Variants in PPP1R1C observed in about 807,000 individuals in gnomAD.
PPP1R1C encodes the protein protein phosphatase 1 regulatory subunit 1C.
Under a neutral mutation model 17.4 loss-of-function variants are expected in PPP1R1C, and 15 were observed. The ratio of observed to expected loss-of-function variants is 0.86; its 90% CI spans 0.58 to 1.33. PPP1R1C has a LOEUF of 1.33. PPP1R1C is among the 40% of genes most tolerant of loss of function. The pLI, the probability that PPP1R1C is intolerant of heterozygous loss-of-function variation, is 0.00. For missense variants in PPP1R1C, 143 were observed against 130.0 expected, an observed-to-expected ratio of 1.10 and a Z score of -0.48; for synonymous variants, 35 against 43.1, an observed-to-expected ratio of 0.81 and a Z score of 0.73.
chr2:181,961,059 C>G lies in PPP1R1C; in HGVS notation n.111+6425C>G, dbSNP rs192300640. On this transcript the variant is annotated intron_variant and non_coding_transcript_variant, in intron 1 of 5. Transcript: ENST00000464264. The surrounding 1 kb of genome is among the most constrained non-coding windows in gnomAD (Gnocchi z 5.8). The stretch of plus-strand genomic sequence containing the variant: ...GCTGGAGAAATCAGAAGAGGGACAA[C>G]TGCAAAATAAAGGCTGTAACAGGAG... Among the ~76,000 whole-genome samples the G allele has an allele frequency of 6.6e-6, 1 of 152,142 alleles. No individual in the cohort carries two copies. Among genetic ancestry groups the G allele is most frequent in the African/African-American group, 2.4e-5 (1 of 41,430 alleles).
chr2:182,005,025 T>A (rs923676042), intron 2 of PPP1R1C, among the ~76,000 whole-genome samples: 5 of 152,206 alleles, frequency 3.3e-5, no homozygotes, highest in Admixed American at 6.5e-5. Context: ...GAAATATTCA[T>A]AACATTCCTG....
chr2:181,991,354 A>T (rs1356161666), intron 2 of PPP1R1C, among the ~76,000 whole-genome samples: 3 of 152,132 alleles, frequency 2.0e-5, no homozygotes, highest in Non-Finnish European at 4.4e-5. Context: ...CCTTTCTGAC[A>T]AATAACCTAG....
intron 4 of PPP1R1C, among the ~76,000 whole-genome samples, chr2:182,076,180 ACTTTTTTTTTTCTTTT>A (rs1688292112): frequency 1.1e-4 from 8 of 76,104 alleles, no homozygotes; most frequent in African/African-American, 4.7e-4. Flanking sequence ...AGGATTTTGA[ACTTTTTTTTTTCTTTT>A]CTTTTTTTTT....
chr2:182,049,839 A>G (rs188680628), intron 2 of PPP1R1C, among the ~76,000 whole-genome samples: 1 of 152,254 alleles, frequency 6.6e-6, no homozygotes, highest in Admixed American at 6.5e-5. Context: ...TTATTTATTC[A>G]CTTACCCAGT....
intron 2 of PPP1R1C, among the ~76,000 whole-genome samples, chr2:182,036,261 A>G (rs895163192): frequency 7.2e-5 from 11 of 152,208 alleles, no homozygotes; most frequent in Non-Finnish European, 1.5e-4. Context: ...TGGTTTCTCC[A>G]TTAATTATGT....
At chr2:182,118,384 G>A (rs938302749), downstream of PPP1R1C, among the ~76,000 whole-genome samples, 1 of 151,926 alleles carries the variant, frequency 6.6e-6, no homozygotes, top group Admixed American at 6.6e-5. Flanking sequence ...TATTTGTGAA[G>A]GCAAAGTATC....
At chr2:182,047,833 T>C (rs765589877) in intron 2 of PPP1R1C, among the ~76,000 whole-genome samples, 1 of 152,214 alleles carries the variant, frequency 6.6e-6, no homozygotes, top group Admixed American at 6.5e-5. Context: ...GCAGAAATTA[T>C]GAAATATAAG....
intron 2 of PPP1R1C, among the ~76,000 whole-genome samples, chr2:182,029,388 G>A (rs906208433): frequency 6.6e-6 from 1 of 152,014 alleles, no homozygotes; most frequent in South Asian, 2.1e-4. Context: ...TCCTTCAGGA[G>A]CTCTTTTAGG....
At chr2:182,047,929 A>G (rs1574409018) in intron 2 of PPP1R1C, among the ~76,000 whole-genome samples, 1 of 152,074 alleles carries the variant, frequency 6.6e-6, no homozygotes, top group East Asian at 1.9e-4. Flanking sequence ...AACATAATCC[A>G]TCTTGTGTTT....
rs562535732 is a variant in PPP1R1C, at chr2:182,001,784, T to C, written c.142+13885T>C. On this transcript the variant is annotated intron_variant, in intron 2 of 4. Transcript: ENST00000682840. ...TCACTCCAAAATCCATTTGATGTGTTTTCTGGTAAGATTTCTATGTAAGCA... is the reference window on the plus strand; with the variant it reads ...TCACTCCAAAATCCATTTGATGTGTCTTCTGGTAAGATTTCTATGTAAGCA... Among the ~76,000 whole-genome samples the C allele has an allele frequency of 5.9e-5, 9 of 152,260 alleles. No individual in the cohort carries two copies. The East Asian group carries it at 1.7e-3, about 29-fold the overall frequency.
Position 181,961,165 on chromosome 2 carries a change from G to T in PPP1R1C, n.111+6531G>T. On this transcript the variant is annotated intron_variant and non_coding_transcript_variant, in intron 1 of 5. Coordinates refer to the PPP1R1C transcript ENST00000464264. This position sits in a 1 kb window ranked among gnomAD's most constrained non-coding sequence, Gnocchi z 5.8. ...TCCTTTCACCTCTGAACTTTTTATTGACCTCCTGCTCCCCAAAGGGTACCC... is the reference window on the plus strand; with the variant it reads ...TCCTTTCACCTCTGAACTTTTTATTTACCTCCTGCTCCCCAAAGGGTACCC... 8 of 726,536 alleles carry T rather than the reference G, an allele frequency of 1.1e-5. No homozygotes were observed. Among genetic ancestry groups the T allele is most frequent in the East Asian group, 2.6e-5 (1 of 37,970 alleles). The allele number at this position is 726,536 out of a possible 1,614,324, so 45.0% of individuals were successfully genotyped here. A position where few individuals can be genotyped will look rare whatever the true frequency, so the allele number is the denominator to read the frequency against.
intron 3 of PPP1R1C, among the ~76,000 whole-genome samples, chr2:182,063,101 C>CA (rs1687892966): frequency 1.3e-5 from 2 of 152,064 alleles, no homozygotes; most frequent in South Asian, 4.1e-4. Context: ...TTTTGAAATG[C>CA]AAAATCTCTT....
chr2:182,115,537 G>A (rs1463201310), intron 4 of PPP1R1C, among the ~76,000 whole-genome samples: 2 of 152,088 alleles, frequency 1.3e-5, no homozygotes, highest in African/African-American at 4.8e-5. Context: ...TAAGACTCAA[G>A]CAGAGTGACT....
At position 182,110,644 on chromosome 2, in the gene PPP1R1C, C is replaced by G. The variant is rs572659686; in HGVS notation, c.242-6563C>G. Among the ~76,000 whole-genome samples, 23 of 152,296 alleles carry G rather than the reference C, an allele frequency of 1.5e-4. No homozygotes were observed. In the East Asian group the frequency reaches 4.2e-3, roughly 28 times the overall value. On this transcript the variant is annotated intron_variant, in intron 4 of 4. Transcript: ENST00000682840. Reference sequence around the variant, plus strand: ...CTGGACATGGTAAAAGAAACACACACAACATTTGCTTCTGTGGCTGTAAAT... The same window carrying G: ...CTGGACATGGTAAAAGAAACACACAGAACATTTGCTTCTGTGGCTGTAAAT...
chr2:182,065,920 T>C (rs1687970448), intron 4 of PPP1R1C, among the ~76,000 whole-genome samples: 1 of 152,140 alleles, frequency 6.6e-6, no homozygotes, highest in African/African-American at 2.4e-5. Context: ...GTTATTTAGT[T>C]ATTTTGCCTT....
chr2:182,034,578 A>G (rs1331078580), intron 2 of PPP1R1C, among the ~76,000 whole-genome samples: 2 of 152,228 alleles, frequency 1.3e-5, no homozygotes, highest in Admixed American at 6.5e-5. Flanking sequence ...CAAATAGACT[A>G]TAAACTTTTA....
Position 181,967,688 on chromosome 2 carries a change from C to A in PPP1R1C, n.112-7531C>A, listed in dbSNP as rs1684928183. Among the ~76,000 whole-genome samples the A allele has an allele frequency of 6.6e-6, 1 of 150,516 alleles. No individual in the cohort carries two copies. On this transcript the variant is annotated intron_variant and non_coding_transcript_variant, in intron 1 of 5. Coordinates refer to the PPP1R1C transcript ENST00000464264. The surrounding 1 kb of genome is among the most constrained non-coding windows in gnomAD (Gnocchi z 5.5). Reference sequence around the variant, plus strand: ...CCTTCTCTCTCTCTTTCCTTCCTTCCTTCCTTTCTTTCTCTTTCTTTCTTT... The same window carrying A: ...CCTTCTCTCTCTCTTTCCTTCCTTCATTCCTTTCTTTCTCTTTCTTTCTTT...
intron 4 of PPP1R1C, among the ~76,000 whole-genome samples, chr2:182,093,676 G>T (rs1001578658): frequency 6.6e-6 from 1 of 152,098 alleles, no homozygotes; most frequent in Non-Finnish European, 1.5e-5. Flanking sequence ...ACTCTCTCAA[G>T]GTCAAAGTTC....
At chr2:181,990,148 C>T (rs1187108157) in intron 2 of PPP1R1C, among the ~76,000 whole-genome samples, 1 of 148,546 alleles carries the variant, frequency 6.7e-6, no homozygotes, top group East Asian at 2.0e-4. Flanking sequence ...TCTTTTCTTT[C>T]TTTTTTTTTT....
Sources: allele counts gnomAD v4.1 joint callset (sites outside exome capture counted in the v4.1 genomes callset), GRCh38; gene constraint gnomAD v4.1.1; non-coding constraint Gnocchi (gnomAD v3.1); transcripts MANE v1.5; gene names NCBI Gene and HGNC (gene_info 2026-07-23, HGNC 2026-07-21).